FGF10: variants seen among roughly 807,000 people sequenced by gnomAD.
FGF10 encodes fibroblast growth factor 10.
FGF10 carries 2 observed loss-of-function variants against 19.8 expected under a neutral mutation model. The ratio of observed to expected loss-of-function variants is 0.10; its 90% CI spans 0.04 to 0.32. The LOEUF is 0.32. FGF10 is among the 10% of genes least tolerant of loss of function. The probability of loss-of-function intolerance (pLI) is 1.00; values close to 1 mark genes in which losing one functional copy is unlikely to be tolerated. For synonymous variants in FGF10, 112 were observed against 94.0 expected, an observed-to-expected ratio of 1.19 and a Z score of -1.10; for missense variants, 191 against 246.3, an observed-to-expected ratio of 0.78 and a Z score of 1.50.
At position 44,366,748 on chromosome 5, in the gene FGF10, T is replaced by C. The variant is rs533970505; in HGVS notation, c.325+21610A>G. ...TGGTTGAAATTCATTGGAAAAAGCGTTTGCTAAGATGGGGATTTTATTTGA... is the reference window on the plus strand; with the variant it reads ...TGGTTGAAATTCATTGGAAAAAGCGCTTGCTAAGATGGGGATTTTATTTGA... On this transcript the variant is annotated intron_variant, in intron 1 of 2. Coordinates refer to ENST00000264664, the MANE Select transcript of FGF10 (RefSeq NM_004465.2). Among the ~76,000 whole-genome samples the C allele has an allele frequency of 7.6e-4, 115 of 152,184 alleles. 2 individuals are homozygous for C. The highest frequency in any genetic ancestry group is 2.6e-3 in the African/African-American group (110 of 41,558).
chr5:44,326,570 T>A (rs1740620303), intron 1 of FGF10, among the ~76,000 whole-genome samples: 1 of 151,960 alleles, frequency 6.6e-6, no homozygotes. Flanking sequence ...AGCTAATTTT[T>A]TTTTTTTTAA....
chr5:44,336,166 T>C (rs567378121), intron 1 of FGF10, among the ~76,000 whole-genome samples: 2 of 152,070 alleles, frequency 1.3e-5, no homozygotes, highest in African/African-American at 4.8e-5. Flanking sequence ...TTTTTATAAC[T>C]GCTAATTTTT....
chr5:44,346,155 T>C (rs1161919391), intron 1 of FGF10, among the ~76,000 whole-genome samples: 1 of 151,692 alleles, frequency 6.6e-6, no homozygotes, highest in Admixed American at 6.6e-5. Context: ...ACTTACTCTT[T>C]TCCTCTTATC....
At chr5:44,325,953 C>G (rs1220489822) in intron 1 of FGF10, among the ~76,000 whole-genome samples, 1 of 152,102 alleles carries the variant, frequency 6.6e-6, no homozygotes, top group African/African-American at 2.4e-5. Context: ...ACCCATCATA[C>G]AGCATATATT....
At chr5:44,315,850 A>G (rs1740334141) in intron 1 of FGF10, among the ~76,000 whole-genome samples, 2 of 152,132 alleles carry the variant, frequency 1.3e-5, no homozygotes, top group South Asian at 2.1e-4. Context: ...TGGCCATACC[A>G]TAGTGTGAGT....
In FGF10 at chr5:44,367,943, G is replaced by T. The variant is rs1050126101; in HGVS notation, c.325+20415C>A. On this transcript the variant is annotated intron_variant, in intron 1 of 2. Transcript: ENST00000264664. ...GTGGCACATAAAGAACACATATGTT[G>T]ATTAAAACTGAATTGCCTCAAAACC... 1.3e-3 allele frequency among the ~76,000 whole-genome samples: 198 copies of T among 151,342 alleles called. 4 individuals carry two copies. Among genetic ancestry groups the T allele is most frequent in the Non-Finnish European group, 3.5e-4 (24 of 67,822 alleles).
chr5:44,379,112 G>C (rs1192396873), intron 1 of FGF10, among the ~76,000 whole-genome samples: 1 of 151,938 alleles, frequency 6.6e-6, no homozygotes, highest in Admixed American at 6.6e-5. Flanking sequence ...TCTTCAAAAG[G>C]CTTCTCTAGC....
At chr5:44,309,473 AT>A (rs1366055864) in intron 2 of FGF10, among the ~76,000 whole-genome samples, 1 of 152,140 alleles carries the variant, frequency 6.6e-6, no homozygotes, top group Non-Finnish European at 1.5e-5. Context: ...TGCTGTAATT[AT>A]TTCATATTTG....
Position 44,303,286 on chromosome 5 carries a change from A to T in FGF10, c.*1709T>A, listed in dbSNP as rs1051457544. On this transcript the variant is annotated 3_prime_UTR_variant, in exon 3 of 3. Coordinates refer to ENST00000264664, the MANE Select transcript of FGF10 (RefSeq NM_004465.2). ...AACAGATTAACTGGAAGTGCTGGTT[A>T]AGTATTGACACAAATAAGTTTGTTG... Among the ~76,000 whole-genome samples the T allele has an allele frequency of 6.6e-6, 1 of 152,208 alleles. No individual in the cohort carries two copies. Among genetic ancestry groups the T allele is most frequent in the Non-Finnish European group, 1.5e-5 (1 of 68,032 alleles).
At chr5:44,364,098 C>T (rs1430516971) in intron 1 of FGF10, among the ~76,000 whole-genome samples, 1 of 151,734 alleles carries the variant, frequency 6.6e-6, no homozygotes, top group South Asian at 2.1e-4. Context: ...CTTTCAAAAC[C>T]CATCTGAGTT....
At chr5:44,369,570 G>A (rs1329287995) in intron 1 of FGF10, among the ~76,000 whole-genome samples, 2 of 152,062 alleles carry the variant, frequency 1.3e-5, no homozygotes, top group African/African-American at 2.4e-5. Context: ...TAGCAGTGGC[G>A]GAGCACTCTG....
chr5:44,378,649 T>C (rs1741919978), intron 1 of FGF10, among the ~76,000 whole-genome samples: 1 of 152,154 alleles, frequency 6.6e-6, no homozygotes, highest in South Asian at 2.1e-4. Flanking sequence ...GCCAGGATGG[T>C]CTTGATCTCC....
At chr5:44,378,463 G>C (rs1212176683) in intron 1 of FGF10, among the ~76,000 whole-genome samples, 2 of 152,100 alleles carry the variant, frequency 1.3e-5, no homozygotes, top group Non-Finnish European at 2.9e-5. Context: ...ACAGAGTCTC[G>C]CTCTGTCGCC....
Position 44,300,256 on chromosome 5 carries a change from GTT to G in FGF10, c.*4737_*4738del, listed in dbSNP as rs199738884. The stretch of plus-strand genomic sequence containing the variant: ...TAAAAGACAAAGCAGGTTTTTTTCT[GTT>G]TTTTTTTTATTTTACACTTAAACAA... On this transcript the variant is annotated 3_prime_UTR_variant, in exon 3 of 3. Transcript: ENST00000264664. 7.8e-6 allele frequency among the ~76,000 whole-genome samples: 1 copy of G among 128,896 alleles called. No homozygotes were observed. 84.6% of individuals were successfully genotyped at this position (128,896 alleles called of 152,430 possible). A position where few individuals can be genotyped will look rare whatever the true frequency, so the allele number is the denominator to read the frequency against.
rs898821755 is a variant in FGF10, at chr5:44,334,395, C to A, written c.326-23865G>T. 2.6e-5 allele frequency among the ~76,000 whole-genome samples: 4 copies of A among 152,122 alleles called. No individual in the cohort carries two copies. The South Asian group carries it at 8.3e-4, about 32-fold the overall frequency. The stretch of plus-strand genomic sequence containing the variant: ...TACAAAGAAATCTTGAAATCCAAAA[C>A]CAACATAAAGGCTCTCCCAGGTCAC... On this transcript the variant is annotated intron_variant, in intron 1 of 2. Coordinates refer to ENST00000264664, the MANE Select transcript of FGF10 (RefSeq NM_004465.2).
chr5:44,382,964 G>C (rs1742015519), intron 1 of FGF10, among the ~76,000 whole-genome samples: 1 of 152,062 alleles, frequency 6.6e-6, no homozygotes, highest in African/African-American at 2.4e-5. Context: ...TGTTAAGATA[G>C]ATTAAAATCA....
chr5:44,355,712 G>A (rs995841521), intron 1 of FGF10, among the ~76,000 whole-genome samples: 3 of 151,318 alleles, frequency 2.0e-5, no homozygotes, highest in Admixed American at 6.6e-5. Flanking sequence ...ACAATGCAGC[G>A]TGGAAGAGAG....
At chr5:44,352,617 G>T (rs981548308) in intron 1 of FGF10, among the ~76,000 whole-genome samples, 1 of 151,496 alleles carries the variant, frequency 6.6e-6, no homozygotes, top group African/African-American at 2.4e-5. Flanking sequence ...ATTCTCCTGG[G>T]GAAATGTCTA....
intron 1 of FGF10, among the ~76,000 whole-genome samples, chr5:44,325,299 A>G (rs1411831476): frequency 1.3e-5 from 2 of 152,108 alleles, no homozygotes; most frequent in Non-Finnish European, 2.9e-5. Context: ...ACTGTAAACT[A>G]GTTCAACCAT....
Sources: allele counts gnomAD v4.1 joint callset (sites outside exome capture counted in the v4.1 genomes callset), GRCh38; gene constraint gnomAD v4.1.1; transcripts MANE v1.5; gene names NCBI Gene and HGNC (gene_info 2026-07-23, HGNC 2026-07-21).